DLGAP2: variants seen among roughly 807,000 people sequenced by gnomAD.
The protein encoded by DLGAP2 is DLG associated protein 2.
DLGAP2 carries 26 observed loss-of-function variants against 100.3 expected under a neutral mutation model. That is an observed-to-expected ratio of 0.26 (90% CI 0.19 to 0.36). The LOEUF is 0.36. Ranked by LOEUF, DLGAP2 falls within the 10% of genes least tolerant of loss-of-function variation. The pLI, the probability that DLGAP2 is intolerant of heterozygous loss-of-function variation, is 1.00. For missense variants in DLGAP2, 1,858 were observed against 1,453.2 expected, an observed-to-expected ratio of 1.28 and a Z score of -4.53; for synonymous variants, 886 against 630.1, an observed-to-expected ratio of 1.41 and a Z score of -6.08.
chr8:1,516,935 T>C (rs1315015276), intron 4 of DLGAP2, among the ~76,000 whole-genome samples: 1 of 152,098 alleles, frequency 6.6e-6, no homozygotes, highest in Non-Finnish European at 1.5e-5. Context: ...AACAATAAAA[T>C]ACATAAAAAA....
intron 3 of DLGAP2, among the ~76,000 whole-genome samples, chr8:1,423,850 A>G (rs1057385108): frequency 6.6e-6 from 1 of 152,200 alleles, no homozygotes; most frequent in African/African-American, 2.4e-5. Context: ...TTCAAATGAC[A>G]CTTGCACGTC....
chr8:1,544,226 G>A (rs1006424105), intron 4 of DLGAP2, among the ~76,000 whole-genome samples: 5 of 152,092 alleles, frequency 3.3e-5, no homozygotes, highest in Admixed American at 6.5e-5. Context: ...TTGGTTAGGC[G>A]GTCCCAGGGA....
intron 2 of DLGAP2, among the ~76,000 whole-genome samples, chr8:960,011 G>C (rs560360957): frequency 6.6e-6 from 1 of 152,034 alleles, no homozygotes; most frequent in Non-Finnish European, 1.5e-5. Flanking sequence ...ACTGATGTTT[G>C]AGGATTATCC....
At chr8:904,089 G>C (rs956840670) in intron 1 of DLGAP2, among the ~76,000 whole-genome samples, 2 of 152,256 alleles carry the variant, frequency 1.3e-5, no homozygotes, top group Non-Finnish European at 2.9e-5. Context: ...AGTTTCTTCA[G>C]CTGAAAATCA....
chr8:740,687 T>G (rs1820461502), intron 1 of DLGAP2, among the ~76,000 whole-genome samples: 1 of 152,378 alleles, frequency 6.6e-6, no homozygotes, highest in East Asian at 1.9e-4. Context: ...TGTTTTGTTT[T>G]ATTTTGAAGA....
At chr8:1,445,391 C>T (rs1037586924) in intron 3 of DLGAP2, among the ~76,000 whole-genome samples, 1 of 151,782 alleles carries the variant, frequency 6.6e-6, no homozygotes, top group African/African-American at 2.4e-5. Context: ...TTTCCAGTTT[C>T]ATCCATGTCC....
intron 1 of DLGAP2, 137 bp from the exon 2 acceptor site, chr8:907,775 T>C (rs1186364641): frequency 5.1e-6 from 2 of 392,446 alleles, no homozygotes; most frequent in African/African-American, 4.1e-5. Context: ...CCGTTTAATT[T>C]GTTAGGCCTT....
At chr8:1,197,330 C>T (rs935385001) in intron 2 of DLGAP2, among the ~76,000 whole-genome samples, 4 of 152,236 alleles carry the variant, frequency 2.6e-5, no homozygotes, top group Non-Finnish European at 2.9e-5. Flanking sequence ...ACCACGACAC[C>T]CTCCCTCCTC....
chr8:1,460,436 C>T (rs770609626), intron 3 of DLGAP2, among the ~76,000 whole-genome samples: 1 of 152,184 alleles, frequency 6.6e-6, no homozygotes, highest in Non-Finnish European at 1.5e-5. Context: ...CTCAACACAA[C>T]CCCTTGAAGA....
At chr8:902,856 G>C (rs1272737111) in intron 1 of DLGAP2, among the ~76,000 whole-genome samples, 1 of 46,730 alleles carries the variant, frequency 2.1e-5, no homozygotes, top group African/African-American at 8.6e-5. Context: ...GGGTAGGGGG[G>C]CGGGGGGGCG....
intron 8 of DLGAP2, among the ~76,000 whole-genome samples, chr8:1,634,104 A>C (rs550861694): frequency 6.6e-6 from 1 of 152,304 alleles, no homozygotes; most frequent in South Asian, 2.1e-4. Context: ...AAGGGAAGGA[A>C]CTGTGTTCAA....
intron 1 of DLGAP2, among the ~76,000 whole-genome samples, chr8:756,816 C>T (rs1820932926): frequency 6.6e-6 from 1 of 152,146 alleles, no homozygotes. Flanking sequence ...CGGTCTCTCT[C>T]GGCTTGAAAC....
chr8:1,270,507 G>T lies in DLGAP2; in HGVS notation c.106+11624G>T, dbSNP rs530296950. On this transcript the variant is annotated intron_variant, in intron 3 of 14. Coordinates refer to ENST00000637795, the MANE Select transcript of DLGAP2 (RefSeq NM_001346810.2). ...AAGATTGACTTTCCTCAGGAGAAAT[G>T]CAGGCTCTAAGCCCAGCGGACAGAG... is the stretch of plus-strand genomic sequence containing the variant. 2.2e-4 allele frequency among the ~76,000 whole-genome samples: 34 copies of T among 152,280 alleles called. 1 individual carries two copies. Among genetic ancestry groups the T allele is most frequent in the Admixed American group, 1.8e-3 (27 of 15,300 alleles).
chr8:880,375 A>C (rs546515495), intron 1 of DLGAP2, among the ~76,000 whole-genome samples: 1 of 152,198 alleles, frequency 6.6e-6, no homozygotes, highest in Admixed American at 6.5e-5. Flanking sequence ...ATTCCCCAGG[A>C]AAGTGTCCAC....
At chr8:1,622,432 AG>A (rs1268875580) in intron 6 of DLGAP2, 1 of 152,218 alleles carries the variant, frequency 6.6e-6, no homozygotes, top group South Asian at 2.1e-4. Context: ...AGCTGGGGTC[AG>A]AGGCCCTTTC....
At chr8:942,564 C>T (rs1017977133) in intron 2 of DLGAP2, among the ~76,000 whole-genome samples, 5 of 152,246 alleles carry the variant, frequency 3.3e-5, no homozygotes, top group South Asian at 4.1e-4. Context: ...CCTTTCACGG[C>T]ATTTGGCAGC....
At chr8:1,235,826 C>T (rs1269156244) in intron 2 of DLGAP2, among the ~76,000 whole-genome samples, 15 of 7,604 alleles carry the variant, frequency 2.0e-3, no homozygotes, top group East Asian at 9.9e-3. Flanking sequence ...GCGCCGTGTC[C>T]AGTTCTGTCA....
At chr8:819,955 C>G (rs1308379813) in intron 1 of DLGAP2, among the ~76,000 whole-genome samples, 1 of 152,032 alleles carries the variant, frequency 6.6e-6, no homozygotes, top group African/African-American at 2.4e-5. Flanking sequence ...ATGAAGTTAA[C>G]CTATAAGAAC....
intron 2 of DLGAP2, among the ~76,000 whole-genome samples, chr8:1,086,323 T>A (rs1006798541): frequency 4.6e-5 from 7 of 152,218 alleles, no homozygotes; most frequent in African/African-American, 1.7e-4. Context: ...AGAGTGGGCA[T>A]TTTTGTCTTG....
Sources: gnomAD v4.1 joint callset for allele counts (sites outside exome capture counted in the v4.1 genomes callset) on GRCh38, gnomAD v4.1.1 for gene constraint, MANE v1.5 for transcripts, NCBI Gene and HGNC (gene_info 2026-07-23, HGNC 2026-07-21) for gene names.